Variants in TRIM62 observed in about 807,000 individuals in gnomAD.
TRIM62 encodes the protein tripartite motif containing 62, also known as E3 ubiquitin-protein ligase TRIM62.
TRIM62 carries 39 observed loss-of-function variants against 44.2 expected under a neutral mutation model. That is an observed-to-expected ratio of 0.88 (90% CI 0.68 to 1.15). TRIM62 has a LOEUF of 1.15. Among genes scored for constraint, TRIM62 ranks in the 50% most tolerant of loss-of-function variants. The pLI is 0.00. For missense variants in TRIM62, 544 were observed against 665.5 expected, an observed-to-expected ratio of 0.82 and a Z score of 2.01; for synonymous variants, 278 against 292.3, an observed-to-expected ratio of 0.95 and a Z score of 0.50.
intron 2 of TRIM62, among the ~76,000 whole-genome samples, chr1:33,162,561 A>G (rs1645282920): frequency 1.3e-5 from 2 of 152,194 alleles, no homozygotes; most frequent in African/African-American, 4.8e-5. Context: ...AAGGCTGGCA[A>G]TCAGGAGTTG....
At chr1:33,176,413 C>A in intron 1 of TRIM62, 1 of 697,022 alleles carries the variant, frequency 1.4e-6, no homozygotes, top group Non-Finnish European at 2.6e-6. Flanking sequence ...CCTACCAGGG[C>A]TTGCGTCCAA....
chr1:33,165,656 CTGGTCTCTGTCCCCA>C lies in TRIM62; in HGVS notation c.409-105_409-91del. 1 of 1,166,186 alleles carries C rather than the reference CTGGTCTCTGTCCCCA, an allele frequency of 8.6e-7. No homozygotes were observed. The highest frequency in any genetic ancestry group is 1.7e-5 in the South Asian group (1 of 57,786). 72.2% of individuals were successfully genotyped at this position (1,166,186 alleles called of 1,614,324 possible). A position where few individuals can be genotyped will look rare whatever the true frequency, so the allele number is the denominator to read the frequency against. The stretch of plus-strand genomic sequence containing the variant: ...CCACTGCCAGGCGCTGGGGGTTAGC[CTGGTCTCTGTCCCCA>C]ACCTCCAACACTTGCCTCCCGTCAC... On this transcript the variant is annotated intron_variant, in intron 1 of 4. Transcript: ENST00000291416. This position sits in a 1 kb window ranked among gnomAD's most constrained non-coding sequence, Gnocchi z 4.0.
intron 4 of TRIM62, among the ~76,000 whole-genome samples, chr1:33,152,456 A>G (rs1645112894): frequency 6.6e-6 from 1 of 152,120 alleles, no homozygotes; most frequent in South Asian, 2.1e-4. Context: ...AATCCCAGCT[A>G]CTTGGGAGGC....
intron 1 of TRIM62, chr1:33,176,332 A>G: frequency 3.2e-6 from 2 of 632,270 alleles, no homozygotes; most frequent in East Asian, 2.8e-5. Flanking sequence ...CAGAGCCGAA[A>G]TTTGAACCTA....
rs960243550 is a variant in TRIM62, at chr1:33,161,714, G to A, written c.505-1770C>T. Among the ~76,000 whole-genome samples the A allele has an allele frequency of 2.6e-5, 4 of 152,120 alleles. No individual in the cohort carries two copies. Among genetic ancestry groups the A allele is most frequent in the African/African-American group, 7.2e-5 (3 of 41,422 alleles). On this transcript the variant is annotated intron_variant, in intron 2 of 4. Coordinates refer to ENST00000291416, the MANE Select transcript of TRIM62 (RefSeq NM_018207.3). The surrounding 1 kb of genome is among the most constrained non-coding windows in gnomAD (Gnocchi z 4.3). ...GCTGATGGGGAAGATGGGGTCCGTC[G>A]TCCCTGCACCACCTGGAGCTGCCCT... is the stretch of plus-strand genomic sequence containing the variant.
chr1:33,179,914 G>T (rs922093761), intron 1 of TRIM62, among the ~76,000 whole-genome samples: 1 of 145,220 alleles, frequency 6.9e-6, no homozygotes, highest in South Asian at 2.3e-4. Context: ...TCTCCAAGGG[G>T]GTGGGTATAA....
At chr1:33,157,404 G>A (rs1485492765) in intron 4 of TRIM62, among the ~76,000 whole-genome samples, 2 of 151,998 alleles carry the variant, frequency 1.3e-5, no homozygotes, top group African/African-American at 2.4e-5. Context: ...TTCAGCCCTT[G>A]ACTCTAATGC....
In TRIM62 at chr1:33,165,380, A is replaced by T; in HGVS notation, c.504+91T>A. ...AAGCCAGGTTTCCACCGCACACCCGAGGCCCCGCCCCTCTTCCCCAGCTGG... is the reference window on the plus strand; with the variant it reads ...AAGCCAGGTTTCCACCGCACACCCGTGGCCCCGCCCCTCTTCCCCAGCTGG... On this transcript the variant is annotated intron_variant, in intron 2 of 4. Transcript: ENST00000291416. The surrounding 1 kb of genome is among the most constrained non-coding windows in gnomAD (Gnocchi z 4.0). 2 of 1,217,118 alleles carry T rather than the reference A, an allele frequency of 1.6e-6. No individual in the cohort carries two copies. Among genetic ancestry groups the T allele is most frequent in the Non-Finnish European group, 1.1e-6 (1 of 877,424 alleles). The allele number at this position is 1,217,118 out of a possible 1,614,324, so 75.4% of individuals were successfully genotyped here.
intron 4 of TRIM62, among the ~76,000 whole-genome samples, chr1:33,154,458 C>T (rs200277990): frequency 1.3e-5 from 2 of 151,946 alleles, no homozygotes; most frequent in African/African-American, 4.8e-5. Context: ...TTATCTTGCT[C>T]AGCTATATGG....
In TRIM62 at chr1:33,159,968, T is replaced by C. The variant is rs929644228; in HGVS notation, c.505-24A>G. On this transcript the variant is annotated intron_variant, in intron 2 of 4. Transcript: ENST00000291416. The surrounding 1 kb of genome is among the most constrained non-coding windows in gnomAD (Gnocchi z 4.2). ...GACTGTGGGGGACAGTCGTCAGGGG[T>C]TATGGCTGGGGGAGCAGATGGGGTG... 2 of 1,591,316 alleles carry C rather than the reference T, an allele frequency of 1.3e-6. No homozygotes were observed. The highest frequency in any genetic ancestry group is 1.7e-6 in the Non-Finnish European group (2 of 1,172,150).
intron 1 of TRIM62, among the ~76,000 whole-genome samples, chr1:33,171,201 A>C (rs1049573852): frequency 6.6e-6 from 1 of 152,198 alleles, no homozygotes. Context: ...GTCACACAGG[A>C]AACTGGAGCC....
At position 33,159,745 on chromosome 1, in the gene TRIM62, C is replaced by A; in HGVS notation, c.704G>T (p.Arg235Leu). 1 of 1,613,070 alleles carries A rather than the reference C, an allele frequency of 6.2e-7. No homozygotes were observed. ...VQEGAQILQE[R>L]LAETDRHTFL... ...GGTGTGCCGGTCGGTTTCAGCCAGC[C>A]GCTCCTGCAGGATCTGGGCTCCCTC... The change falls in exon 3 of 5, where the codon CGG (arginine) becomes CTG (leucine). Residue 235 changes from arginine (R) to leucine (L), a missense_variant. Coordinates refer to ENST00000291416, the MANE Select transcript of TRIM62 (RefSeq NM_018207.3). The surrounding 1 kb of genome is among the most constrained non-coding windows in gnomAD (Gnocchi z 4.2).
chr1:33,166,199 GCTCAGGGCTCCCA>G (rs1416454159), intron 1 of TRIM62: 2 of 152,352 alleles, frequency 1.3e-5, no homozygotes, highest in Admixed American at 1.3e-4. Flanking sequence ...GGAAAAACAA[GCTCAGGGCTCCCA>G]CTGATCCTAC....
intron 4 of TRIM62, 122 bp downstream of exon 4, chr1:33,158,131 G>A: frequency 1.2e-6 from 1 of 802,290 alleles, no homozygotes; most frequent in Non-Finnish European, 2.1e-6. Context: ...GAACACACTA[G>A]GTGCTCAGCA....
At chr1:33,171,940 C>G (rs1281917128) in intron 1 of TRIM62, among the ~76,000 whole-genome samples, 3 of 152,098 alleles carry the variant, frequency 2.0e-5, no homozygotes. Flanking sequence ...CGACACCACG[C>G]CTGGCTAATT....
intron 2 of TRIM62, among the ~76,000 whole-genome samples, chr1:33,160,929 C>T (rs553904927): frequency 6.6e-6 from 1 of 152,330 alleles, no homozygotes; most frequent in African/African-American, 2.4e-5. Flanking sequence ...ATGGTTTTCT[C>T]TGCCCCCAAG....
chr1:33,156,902 T>C (rs1312276949), intron 4 of TRIM62, among the ~76,000 whole-genome samples: 1 of 152,060 alleles, frequency 6.6e-6, no homozygotes, highest in Admixed American at 6.6e-5. Context: ...TGGCTGTCCT[T>C]ACAAAATATG....
chr1:33,151,484 A>G (rs1280862444), intron 4 of TRIM62, among the ~76,000 whole-genome samples: 1 of 152,098 alleles, frequency 6.6e-6, no homozygotes, highest in Non-Finnish European at 1.5e-5. Flanking sequence ...TAACAGGAGT[A>G]ACAACCTTCA....
intron 4 of TRIM62, among the ~76,000 whole-genome samples, chr1:33,155,262 G>A (rs1319621380): frequency 6.6e-6 from 1 of 151,766 alleles, no homozygotes; most frequent in African/African-American, 2.4e-5. Context: ...AGTAGAGACG[G>A]GGTTTCACCA....
Sources: allele counts gnomAD v4.1 joint callset (sites outside exome capture counted in the v4.1 genomes callset), GRCh38; gene constraint gnomAD v4.1.1; non-coding constraint Gnocchi (gnomAD v3.1); transcripts MANE v1.5; gene names NCBI Gene and HGNC (gene_info 2026-07-23, HGNC 2026-07-21).